The following RYR2 variants were observed in gnomAD, a reference collection of about 807,000 sequenced individuals.
RYR2 encodes cardiac muscle ryanodine receptor-calcium release channel.
A neutral mutation model predicts 601.1 loss-of-function variants in RYR2; 227 were observed. The ratio of observed to expected loss-of-function variants is 0.38; its 90% CI spans 0.34 to 0.42. The LOEUF (loss-of-function observed/expected upper bound fraction) is 0.42. Ranked by LOEUF, RYR2 falls within the 10% of genes least tolerant of loss-of-function variation. The pLI, the probability that RYR2 is intolerant of heterozygous loss-of-function variation, is 1.00. For synonymous variants in RYR2, 2,223 were observed against 2,175.1 expected, an observed-to-expected ratio of 1.02 and a Z score of -0.61; for missense variants, 4,646 against 6,156.5, an observed-to-expected ratio of 0.75 and a Z score of 8.21.
intron 29 of RYR2, among the ~76,000 whole-genome samples, chr1:237,578,759 C>G (rs1458966580): frequency 3.3e-5 from 3 of 90,216 alleles, no homozygotes; most frequent in Non-Finnish European, 6.9e-5. Flanking sequence ...TGTCTCTCGC[C>G]CATTCTGCAG....
At chr1:237,245,941 C>G (rs569851421) in intron 1 of RYR2, among the ~76,000 whole-genome samples, 67 of 151,714 alleles carry the variant, frequency 4.4e-4, no homozygotes, top group African/African-American at 1.6e-3. Context: ...ACCACTACAC[C>G]CAACTAATTT....
chr1:237,665,397 CAAAAAAAAAAA>C (rs71162408), intron 56 of RYR2, among the ~76,000 whole-genome samples: 9 of 95,596 alleles, frequency 9.4e-5, no homozygotes, highest in East Asian at 3.4e-4. Flanking sequence ...GACTCTGTCT[CAAAAAAAAAAA>C]AAAAAAAAAA....
At chr1:237,612,449 AT>A (rs1325829394) in intron 36 of RYR2, among the ~76,000 whole-genome samples, 5 of 152,190 alleles carry the variant, frequency 3.3e-5, no homozygotes, top group African/African-American at 9.6e-5. Context: ...CAACAAAGAT[AT>A]TTTAAAACAA....
At chr1:237,117,762 C>G (rs1375529563) in intron 1 of RYR2, among the ~76,000 whole-genome samples, 4 of 148,376 alleles carry the variant, frequency 2.7e-5, no homozygotes, top group African/African-American at 1.0e-4. Flanking sequence ...CTTCTCTGTT[C>G]TGAGACAGAG....
At chr1:237,781,357 A>C (rs1357134668) in intron 88 of RYR2, among the ~76,000 whole-genome samples, 1 of 152,218 alleles carries the variant, frequency 6.6e-6, no homozygotes, top group Non-Finnish European at 1.5e-5. Flanking sequence ...CCGGCCTACA[A>C]ATACTTTAAA....
chr1:237,465,588 A>G (rs1037252649), intron 16 of RYR2, among the ~76,000 whole-genome samples: 5 of 152,234 alleles, frequency 3.3e-5, no homozygotes, highest in Admixed American at 2.6e-4. Context: ...AGCCTATTGC[A>G]CAGCTACGCT....
intron 80 of RYR2, among the ~76,000 whole-genome samples, chr1:237,751,904 T>C (rs1264573813): frequency 6.6e-6 from 1 of 152,226 alleles, no homozygotes; most frequent in Non-Finnish European, 1.5e-5. Context: ...ATTATTTGTA[T>C]ATGTATAATT....
intron 94 of RYR2, among the ~76,000 whole-genome samples, chr1:237,792,721 A>G (rs192437129): frequency 1.4e-3 from 207 of 152,284 alleles, no homozygotes; most frequent in African/African-American, 4.7e-3. Flanking sequence ...TTTCTTTCAT[A>G]TACTGATAAT....
chr1:237,733,600 A>G (rs574504890), intron 78 of RYR2, 105 bp from the exon 79 acceptor site: 19 of 746,202 alleles, frequency 2.5e-5, no homozygotes, highest in Admixed American at 1.4e-4. Context: ...TTAAAAAGGT[A>G]TACTTGTTAG....
Position 237,525,506 on chromosome 1 carries a change from A to G in RYR2, c.2823-4921A>G, listed in dbSNP as rs1251863992. On this transcript the variant is annotated intron_variant, in intron 24 of 104. Coordinates refer to ENST00000366574, the MANE Select transcript of RYR2 (RefSeq NM_001035.3). ...TGCTCTGTTGCCTAGGTTGGAGTGC[A>G]GTGGCATGATCTCGGCTGACTGAAA... is the stretch of plus-strand genomic sequence containing the variant. 2.0e-5 allele frequency among the ~76,000 whole-genome samples: 3 copies of G among 151,948 alleles called. No homozygotes were observed. The East Asian group carries it at 5.9e-4, about 30-fold the overall frequency.
chr1:237,237,648 C>A (rs545452539), intron 1 of RYR2, among the ~76,000 whole-genome samples: 3 of 152,278 alleles, frequency 2.0e-5, no homozygotes, highest in South Asian at 4.1e-4. Context: ...AGCATCTTAC[C>A]CCAAAATATA....
rs753671788 is a variant in RYR2 at position 237,614,204 on chromosome 1, G to A, written c.5076G>A (p.Lys1692=). ...EPQLLYAIEN[K]YMPGLLRAGY... ...AGCTCCTCTATGCCATTGAGAACAAGTACATGCCTGGTTTGCTGCGTGCTG... is the reference window on the plus strand; with the variant it reads ...AGCTCCTCTATGCCATTGAGAACAAATACATGCCTGGTTTGCTGCGTGCTG... The change falls in exon 37 of 105, where the codon AAG becomes AAA. Residue 1692 remains lysine (K), a synonymous_variant. Coordinates refer to ENST00000366574, the MANE Select transcript of RYR2 (RefSeq NM_001035.3). The surrounding 1 kb of genome is among the most constrained non-coding windows in gnomAD (Gnocchi z 4.3). 6.2e-7 allele frequency: 1 copy of A among 1,614,028 alleles called. No individual in the cohort carries two copies. The highest frequency in any genetic ancestry group is 8.5e-7 in the Non-Finnish European group (1 of 1,179,898).
At position 237,667,733 on chromosome 1, in the gene RYR2, A is replaced by G. The variant is rs78091802; in HGVS notation, c.8515-150A>G. On this transcript the variant is annotated intron_variant, in intron 57 of 104. Transcript: ENST00000366574. ...ATCCTTACAATTCTCTGGGATTCACATTCTAAAGAAGAGTGTTTGATATCT... is the reference window on the plus strand; with the variant it reads ...ATCCTTACAATTCTCTGGGATTCACGTTCTAAAGAAGAGTGTTTGATATCT... The G allele has an allele frequency of 8.2e-3, 4,425 of 539,036 alleles. 183 individuals carry two copies. The highest frequency in any genetic ancestry group is 0.079 in the African/African-American group (4,012 of 50,884). The allele number at this position is 539,036 out of a possible 1,614,324, so 33.4% of individuals were successfully genotyped here.
At chr1:237,673,162 A>T (rs1685102863) in intron 58 of RYR2, among the ~76,000 whole-genome samples, 1 of 152,168 alleles carries the variant, frequency 6.6e-6, no homozygotes, top group South Asian at 2.1e-4. Flanking sequence ...TTCCCTTAGC[A>T]GTTGTATTTC....
chr1:237,383,468 C>T (rs55926221), intron 8 of RYR2, among the ~76,000 whole-genome samples: 3,894 of 111,736 alleles, frequency 0.035, 222 homozygotes, highest in African/African-American at 0.12. Flanking sequence ...CTTGCTCTGT[C>T]GCCTAGGCTG....
At chr1:237,078,703 G>T (rs1009381572) in intron 1 of RYR2, among the ~76,000 whole-genome samples, 3 of 132,698 alleles carry the variant, frequency 2.3e-5, no homozygotes, top group East Asian at 2.3e-4. Context: ...GAGGTACAAG[G>T]AGGAACTGGC....
intron 1 of RYR2, among the ~76,000 whole-genome samples, chr1:237,153,443 A>C (rs1196214512): frequency 6.6e-6 from 1 of 152,110 alleles, no homozygotes; most frequent in Non-Finnish European, 1.5e-5. Flanking sequence ...ATGGACCTTT[A>C]TTACCCATCA....
In RYR2 at chr1:237,742,337, G is replaced by A; in HGVS notation, c.11133G>A (p.Val3711=). 1 of 1,568,052 alleles carries A rather than the reference G, an allele frequency of 6.4e-7. No individual in the cohort carries two copies. Among genetic ancestry groups the A allele is most frequent in the Non-Finnish European group, 8.7e-7 (1 of 1,151,916 alleles). ...DEEDDDGEEE[V]KSFEEKEMEK... is the part of the protein sequence containing the mutation. Reference sequence around the variant, plus strand: ...AAGATGACGATGGTGAAGAGGAAGTGAAGAGTTTTGAAGTAAGATGGATCT... The same window carrying A: ...AAGATGACGATGGTGAAGAGGAAGTAAAGAGTTTTGAAGTAAGATGGATCT... Residue 3711 remains valine (V), a synonymous_variant, in exon 80 of 105, where the codon GTG becomes GTA. Coordinates refer to ENST00000366574, the MANE Select transcript of RYR2 (RefSeq NM_001035.3).
intron 4 of RYR2, among the ~76,000 whole-genome samples, chr1:237,359,087 A>G (rs1294743861): frequency 6.6e-6 from 1 of 152,114 alleles, no homozygotes; most frequent in Non-Finnish European, 1.5e-5. Flanking sequence ...GCCCTTCAGA[A>G]GTTGAAAATA....
Sources: gnomAD v4.1 joint callset for allele counts (sites outside exome capture counted in the v4.1 genomes callset) on GRCh38, gnomAD v4.1.1 for gene constraint, Gnocchi (gnomAD v3.1) non-coding constraint, MANE v1.5 for transcripts, NCBI Gene and HGNC (gene_info 2026-07-23, HGNC 2026-07-21) for gene names.